The following AKAP6 variants were observed in gnomAD, a reference collection of about 807,000 sequenced individuals.
AKAP6 encodes A-kinase anchor protein 6.
Under a neutral mutation model 188.5 loss-of-function variants are expected in AKAP6, and 58 were observed. The observed-to-expected ratio is 0.31, with a 90% CI of 0.25 to 0.38. The LOEUF (loss-of-function observed/expected upper bound fraction) is 0.38. Among genes scored for constraint, AKAP6 ranks in the 10% least tolerant of loss-of-function variants. AKAP6 has a pLI of 1.00. For missense variants in AKAP6, 2,710 were observed against 2,740.0 expected (o/e 0.99, Z 0.24); for synonymous variants, 989 against 998.6 (o/e 0.99, Z 0.18).
At chr14:32,539,224 A>G (rs1882813610) in intron 3 of AKAP6, among the ~76,000 whole-genome samples, 1 of 152,202 alleles carries the variant, frequency 6.6e-6, no homozygotes, top group South Asian at 2.1e-4. Flanking sequence ...AGGTGATAAG[A>G]GAGTGATAAC....
At chr14:32,541,309 C>G (rs1258564506) in intron 3 of AKAP6, among the ~76,000 whole-genome samples, 1 of 134,016 alleles carries the variant, frequency 7.5e-6, no homozygotes, top group African/African-American at 2.9e-5. Context: ...GAGATGTATT[C>G]AGTAAACAAT....
At chr14:32,665,159 T>C (rs1888871002) in intron 7 of AKAP6, among the ~76,000 whole-genome samples, 2 of 152,160 alleles carry the variant, frequency 1.3e-5, no homozygotes, top group Admixed American at 6.5e-5. Context: ...GGACACCAAC[T>C]GAGAGGCCTC....
chr14:32,766,984 G>A (rs920381610), intron 11 of AKAP6, among the ~76,000 whole-genome samples: 1 of 152,066 alleles, frequency 6.6e-6, no homozygotes, highest in African/African-American at 2.4e-5. Flanking sequence ...TAGTTTTGTA[G>A]ATGGTGTGGG....
At chr14:32,397,797 A>T (rs1294410174) in intron 1 of AKAP6, among the ~76,000 whole-genome samples, 1 of 152,232 alleles carries the variant, frequency 6.6e-6, no homozygotes, top group African/African-American at 2.4e-5. Context: ...GCCCAGGATG[A>T]TGAGTATGTA....
At chr14:32,535,851 C>A in intron 3 of AKAP6, 46 bp downstream of exon 3, 1 of 1,569,406 alleles carries the variant, frequency 6.4e-7, no homozygotes, top group Admixed American at 1.8e-5. Flanking sequence ...CAGGTATGAC[C>A]AATTGAGAAT....
chr14:32,774,300 A>G (rs1201196341), intron 12 of AKAP6, among the ~76,000 whole-genome samples: 1 of 152,260 alleles, frequency 6.6e-6, no homozygotes, highest in Non-Finnish European at 1.5e-5. Flanking sequence ...CTGTCAGAGC[A>G]TATGGAGTAA....
rs1236692640 is a variant in AKAP6, at chr14:32,510,438, GTA to G, written c.325-25105_325-25104del. On this transcript the variant is annotated intron_variant, in intron 2 of 13. Coordinates refer to ENST00000280979, the MANE Select transcript of AKAP6 (RefSeq NM_004274.5). ...TGTATATATATACATATATATATGT[GTA>G]TATATATATACATATATATGTGTAT... Among the ~76,000 whole-genome samples the G allele has an allele frequency of 1.3e-3, 108 of 84,422 alleles. 5 individuals are homozygous for G. The highest frequency in any genetic ancestry group is 3.7e-3 in the African/African-American group (83 of 22,138). The allele number at this position is 84,422 out of a possible 152,430, so 55.4% of individuals were successfully genotyped here. A position where few individuals can be genotyped will look rare whatever the true frequency, so the allele number is the denominator to read the frequency against.
chr14:32,452,917 A>G (rs368478116), intron 2 of AKAP6, among the ~76,000 whole-genome samples: 1 of 152,200 alleles, frequency 6.6e-6, no homozygotes, highest in African/African-American at 2.4e-5. Flanking sequence ...ACTTTTAAAA[A>G]ATGAAAGTGC....
intron 1 of AKAP6, among the ~76,000 whole-genome samples, chr14:32,418,984 T>G (rs915032757): frequency 6.6e-6 from 1 of 152,202 alleles, no homozygotes; most frequent in Admixed American, 6.6e-5. Flanking sequence ...CTAGGGATTA[T>G]TTTTCAAAAT....
chr14:32,381,945 CT>C (rs1594561293), intron 1 of AKAP6, among the ~76,000 whole-genome samples: 1 of 152,186 alleles, frequency 6.6e-6, no homozygotes, highest in East Asian at 1.9e-4. Context: ...TCTCTTCCCT[CT>C]CTTTTCCTAG....
At chr14:32,457,299 C>T (rs1267051947) in intron 2 of AKAP6, among the ~76,000 whole-genome samples, 1 of 152,026 alleles carries the variant, frequency 6.6e-6, no homozygotes, top group African/African-American at 2.4e-5. Context: ...GCTGAAGCTC[C>T]CTTGGCAATG....
intron 1 of AKAP6, among the ~76,000 whole-genome samples, chr14:32,421,796 C>T (rs1395449607): frequency 1.3e-5 from 2 of 152,156 alleles, no homozygotes; most frequent in East Asian, 3.9e-4. Context: ...ATTTCAGTAT[C>T]TTGTCTTCTT....
Position 32,822,124 on chromosome 14 carries a change from T to C in AKAP6, c.4311T>C (p.Asn1437=), listed in dbSNP as rs541030821. ...QSSISPVGCV[N]GKVGDLNSIT... ...CCATTTCACCAGTGGGTTGTGTAAA[T>C]GGAAAAGTTGGAGATTTAAACAGTA... The change falls in exon 13 of 14, where the codon AAT becomes AAC. Residue 1437 remains asparagine, a synonymous_variant. Coordinates refer to ENST00000280979, the MANE Select transcript of AKAP6 (RefSeq NM_004274.5). 40 of 1,613,798 alleles carry C rather than the reference T, an allele frequency of 2.5e-5. No individual in the cohort carries two copies. In the South Asian group the frequency reaches 4.3e-4, roughly 17 times the overall value.
At chr14:32,769,975 AG>A (rs1396208961) in intron 11 of AKAP6, among the ~76,000 whole-genome samples, 2 of 152,360 alleles carry the variant, frequency 1.3e-5, no homozygotes, top group East Asian at 3.9e-4. Context: ...ACTAAATACC[AG>A]TATTGAAAGT....
chr14:32,641,581 G>T (rs1049293043), intron 7 of AKAP6, among the ~76,000 whole-genome samples: 2 of 151,842 alleles, frequency 1.3e-5, no homozygotes, highest in Admixed American at 1.3e-4. Context: ...ATTTGGGCTT[G>T]TTTCTAAGAG....
intron 7 of AKAP6, among the ~76,000 whole-genome samples, chr14:32,633,310 A>T (rs1887351640): frequency 6.6e-6 from 1 of 152,078 alleles, no homozygotes; most frequent in Non-Finnish European, 1.5e-5. Context: ...AAGAGATTTC[A>T]TCCCCTTCTA....
At chr14:32,623,409 G>T (rs1000372191) in intron 7 of AKAP6, among the ~76,000 whole-genome samples, 3 of 152,082 alleles carry the variant, frequency 2.0e-5, no homozygotes, top group African/African-American at 7.2e-5. Flanking sequence ...ATTGGCTGGT[G>T]ACTTAACAAT....
At chr14:32,462,792 G>C (rs150650892) in intron 2 of AKAP6, among the ~76,000 whole-genome samples, 1,507 of 150,120 alleles carry the variant, frequency 0.01, 8 homozygotes, top group East Asian at 0.022. Flanking sequence ...CAATTGGATA[G>C]AGCCAAGACC....
intron 12 of AKAP6, among the ~76,000 whole-genome samples, chr14:32,799,455 CCTCTAAG>C (rs36201686): frequency 0.77 from 116,223 of 151,130 alleles, 44,697 homozygotes; most frequent in South Asian, 0.85. Context: ...TGTAAGTTTC[CCTCTAAG>C]CTCTAAGCAC....
Sources: allele counts gnomAD v4.1 joint callset (sites outside exome capture counted in the v4.1 genomes callset), GRCh38; gene constraint gnomAD v4.1.1; transcripts MANE v1.5; gene names NCBI Gene and HGNC (gene_info 2026-07-23, HGNC 2026-07-21).